Variants in RALGAPA2 observed in about 807,000 individuals in gnomAD.
RALGAPA2 encodes ral GTPase-activating protein subunit alpha-2.
In RALGAPA2, 139 loss-of-function variants were observed where a neutral mutation model predicts 230.4. That is an observed-to-expected ratio of 0.60 (90% CI 0.53 to 0.69). The LOEUF (loss-of-function observed/expected upper bound fraction) is 0.69. Among genes scored for constraint, RALGAPA2 ranks in the 30% least tolerant of loss-of-function variants. The pLI is 0.00. For synonymous variants in RALGAPA2, 847 were observed against 837.8 expected (o/e 1.01, Z -0.19); for missense variants, 2,163 against 2,276.0 (o/e 0.95, Z 1.01).
chr20:20,531,351 C>T (rs956633887), intron 27 of RALGAPA2, among the ~76,000 whole-genome samples: 3 of 152,224 alleles, frequency 2.0e-5, no homozygotes, highest in African/African-American at 7.2e-5. Flanking sequence ...AGGCCTCTCC[C>T]AGGCCTGCTG....
At chr20:20,659,091 A>G (rs1449597915) in intron 3 of RALGAPA2, among the ~76,000 whole-genome samples, 1 of 152,242 alleles carries the variant, frequency 6.6e-6, no homozygotes, top group Non-Finnish European at 1.5e-5. Flanking sequence ...TTGGTTTAAA[A>G]GAACAGAGGT....
intron 20 of RALGAPA2, among the ~76,000 whole-genome samples, chr20:20,580,791 T>A (rs2064962081): frequency 6.6e-6 from 1 of 152,170 alleles, no homozygotes; most frequent in African/African-American, 2.4e-5. Flanking sequence ...AGAAAGCAAA[T>A]ATAAAAGTAA....
In RALGAPA2 at chr20:20,524,464, G is replaced by A. The variant is rs779072137; in HGVS notation, c.3842C>T (p.Thr1281Ile). 5.1e-5 allele frequency: 82 copies of A among 1,613,820 alleles called. No homozygotes were observed. The highest frequency in any genetic ancestry group is 4.1e-5 in the Non-Finnish European group (48 of 1,179,874). ...PVSVLLHPVSTAVLEEQHSAR... is the reference protein window; with the variant it reads ...PVSVLLHPVSIAVLEEQHSAR... ...CGAATGCTGCTCCTCTAGGACTGCT[G>A]TGGACACGGGGTGGAGAAGGACACT... Residue 1281 changes from threonine to isoleucine, a missense_variant, in exon 30 of 40, where the codon ACA becomes ATA. Transcript: ENST00000202677.
At chr20:20,409,777 A>G (rs2060022047) in intron 38 of RALGAPA2, among the ~76,000 whole-genome samples, 1 of 152,230 alleles carries the variant, frequency 6.6e-6, no homozygotes, top group African/African-American at 2.4e-5. Context: ...ATGGTGCTGA[A>G]ATGCTCTGTC....
chr20:20,451,821 T>C (rs2060995529), intron 37 of RALGAPA2, among the ~76,000 whole-genome samples: 1 of 152,206 alleles, frequency 6.6e-6, no homozygotes, highest in Non-Finnish European at 1.5e-5. Flanking sequence ...TAATCTAAAT[T>C]TCTGTTGCCA....
chr20:20,604,779 G>A (rs1432271659), intron 15 of RALGAPA2, among the ~76,000 whole-genome samples: 2 of 152,112 alleles, frequency 1.3e-5, no homozygotes, highest in Admixed American at 1.3e-4. Flanking sequence ...GTGGCCTGGG[G>A]AAGCCAAAGG....
chr20:20,450,991 AGGAG>A (rs2060975425), intron 37 of RALGAPA2, among the ~76,000 whole-genome samples: 1 of 152,246 alleles, frequency 6.6e-6, no homozygotes, highest in Non-Finnish European at 1.5e-5. Flanking sequence ...AAGTACTAGT[AGGAG>A]CAACAACAAA....
At chr20:20,668,621 A>G (rs186262134) in intron 3 of RALGAPA2, among the ~76,000 whole-genome samples, 3 of 152,326 alleles carry the variant, frequency 2.0e-5, no homozygotes, top group East Asian at 3.9e-4. Context: ...AACTATGGAT[A>G]TCCAGCCACA....
chr20:20,531,849 C>T, intron 26 of RALGAPA2, 54 bp from the exon 27 acceptor site: 1 of 1,314,198 alleles, frequency 7.6e-7, no homozygotes, highest in Non-Finnish European at 1.1e-6. Flanking sequence ...AATATACTTT[C>T]TCAGTATTTT....
At chr20:20,710,716 A>G (rs1316393377) in intron 1 of RALGAPA2, among the ~76,000 whole-genome samples, 1 of 152,256 alleles carries the variant, frequency 6.6e-6, no homozygotes, top group Non-Finnish European at 1.5e-5. Flanking sequence ...CTTTCTCAGA[A>G]TGGGAACAAT....
At chr20:20,412,854 A>G (rs1286604233) in intron 37 of RALGAPA2, among the ~76,000 whole-genome samples, 1 of 152,382 alleles carries the variant, frequency 6.6e-6, no homozygotes, top group Non-Finnish European at 1.5e-5. Context: ...AACACACTGA[A>G]GCAACTTTCC....
At chr20:20,476,567 G>C (rs1206672662) in intron 36 of RALGAPA2, among the ~76,000 whole-genome samples, 1 of 151,438 alleles carries the variant, frequency 6.6e-6, no homozygotes, top group Non-Finnish European at 1.5e-5. Flanking sequence ...GTTATAGACT[G>C]AAATATTAAA....
chr20:20,678,948 T>G (rs73296932), intron 2 of RALGAPA2, among the ~76,000 whole-genome samples: 1,694 of 152,260 alleles, frequency 0.011, 30 homozygotes, highest in African/African-American at 0.039. Context: ...TCTCCCCTGG[T>G]CCTCTGTGAC....
intron 37 of RALGAPA2, 144 bp downstream of exon 37, chr20:20,472,685 A>C (rs2061565940): frequency 1.4e-6 from 1 of 713,196 alleles, no homozygotes; most frequent in Non-Finnish European, 2.1e-6. Context: ...GCTATGAAAA[A>C]CCACTATGTT....
At chr20:20,436,092 C>G (rs1416203442) in intron 37 of RALGAPA2, among the ~76,000 whole-genome samples, 1 of 152,196 alleles carries the variant, frequency 6.6e-6, no homozygotes, top group East Asian at 1.9e-4. Context: ...TAACAGATTA[C>G]TTGGAAAAGC....
At chr20:20,546,594 T>C in intron 24 of RALGAPA2, 110 bp downstream of exon 24, 1 of 1,321,958 alleles carries the variant, frequency 7.6e-7, no homozygotes. Context: ...GAGAGCCCAG[T>C]TTCACATTGC....
chr20:20,637,849 A>ACAAT (rs1286276679), intron 7 of RALGAPA2, among the ~76,000 whole-genome samples: 1 of 151,806 alleles, frequency 6.6e-6, no homozygotes, highest in Non-Finnish European at 1.5e-5. Flanking sequence ...TTAGTCACAA[A>ACAAT]CAATCAGGTG....
chr20:20,443,344 G>T (rs1569404945), intron 37 of RALGAPA2, among the ~76,000 whole-genome samples: 1 of 152,156 alleles, frequency 6.6e-6, no homozygotes, highest in Non-Finnish European at 1.5e-5. Flanking sequence ...TGAATGAATG[G>T]CTTCAAACTG....
intron 37 of RALGAPA2, among the ~76,000 whole-genome samples, chr20:20,421,962 A>C (rs1258613691): frequency 6.6e-6 from 1 of 152,256 alleles, no homozygotes; most frequent in Non-Finnish European, 1.5e-5. Flanking sequence ...AAAAGGAATG[A>C]AGTATTGATA....
Sources: gnomAD v4.1 joint callset for allele counts (sites outside exome capture counted in the v4.1 genomes callset) on GRCh38, gnomAD v4.1.1 for gene constraint, MANE v1.5 for transcripts, NCBI Gene and HGNC (gene_info 2026-07-23, HGNC 2026-07-21) for gene names.